The following DOCK10 variants were observed in gnomAD, a reference collection of about 807,000 sequenced individuals.
DOCK10 encodes the protein dedicator of cytokinesis 10, also known as dedicator of cytokinesis protein 10.
Under a neutral mutation model 280.1 loss-of-function variants are expected in DOCK10, and 145 were observed. The observed-to-expected ratio is 0.52, with a 90% confidence interval of 0.45 to 0.59. The LOEUF is 0.59. Among genes scored for constraint, DOCK10 ranks in the 20% least tolerant of loss-of-function variants. The pLI is 0.00. For synonymous variants in DOCK10, 915 were observed against 942.2 expected (o/e 0.97, Z 0.53); for missense variants, 2,368 against 2,651.7 (o/e 0.89, Z 2.35).
intron 50 of DOCK10, 83 bp from the exon 51 acceptor site, chr2:224,778,367 A>T: frequency 2.2e-6 from 3 of 1,375,796 alleles, no homozygotes; most frequent in Non-Finnish European, 3.0e-6. Context: ...TTTACTTAAA[A>T]AACATATACA....
intron 3 of DOCK10, among the ~76,000 whole-genome samples, chr2:224,914,023 C>T (rs1485683973): frequency 6.6e-6 from 1 of 152,208 alleles, no homozygotes; most frequent in African/African-American, 2.4e-5. Context: ...AGGCATGAGC[C>T]ACCTCACCCG....
At chr2:224,949,431 G>C (rs974223278) in intron 1 of DOCK10, among the ~76,000 whole-genome samples, 3 of 152,184 alleles carry the variant, frequency 2.0e-5, no homozygotes, top group Non-Finnish European at 4.4e-5. Context: ...CTGTATTCAA[G>C]ACATCACTGA....
intron 1 of DOCK10, among the ~76,000 whole-genome samples, chr2:225,034,244 T>C (rs1418280967): frequency 1.3e-5 from 2 of 152,208 alleles, no homozygotes; most frequent in African/African-American, 4.8e-5. Context: ...GAACAGGCTG[T>C]GGAGTCAGAC....
intron 1 of DOCK10, among the ~76,000 whole-genome samples, chr2:225,007,369 T>C (rs1234417344): frequency 6.6e-6 from 1 of 152,204 alleles, no homozygotes; most frequent in Non-Finnish European, 1.5e-5. Flanking sequence ...AAATAGTCCA[T>C]GAGGCCAACA....
At chr2:224,879,512 C>CT (rs1698845897) in intron 7 of DOCK10, among the ~76,000 whole-genome samples, 2 of 152,296 alleles carry the variant, frequency 1.3e-5, no homozygotes, top group South Asian at 4.1e-4. Context: ...AATCCCAGCG[C>CT]TTTAGGAGGC....
At chr2:224,931,494 G>T in intron 2 of DOCK10, 55 bp downstream of exon 2, 1 of 1,539,202 alleles carries the variant, frequency 6.5e-7, no homozygotes, top group South Asian at 1.2e-5. Flanking sequence ...GAAAGACAAT[G>T]ACCCAATGTG....
At chr2:224,926,182 C>T (rs756478026) in intron 2 of DOCK10, among the ~76,000 whole-genome samples, 12 of 152,168 alleles carry the variant, frequency 7.9e-5, no homozygotes, top group Non-Finnish European at 1.8e-4. Context: ...TCCCAGAACC[C>T]ACATACAAGG....
chr2:224,863,162 C>T (rs1697638438), intron 13 of DOCK10, among the ~76,000 whole-genome samples: 1 of 152,138 alleles, frequency 6.6e-6, no homozygotes, highest in African/African-American at 2.4e-5. Context: ...TTTCATGGGC[C>T]ATATAGTCTC....
chr2:224,853,763 C>T (rs1319396346), intron 16 of DOCK10, among the ~76,000 whole-genome samples: 1 of 152,150 alleles, frequency 6.6e-6, no homozygotes, highest in Non-Finnish European at 1.5e-5. Flanking sequence ...CAGTTTGAAG[C>T]CTGAAGTTGT....
chr2:224,921,864 C>A (rs1477950165), intron 2 of DOCK10, among the ~76,000 whole-genome samples: 1 of 152,076 alleles, frequency 6.6e-6, no homozygotes, highest in African/African-American at 2.4e-5. Context: ...CTTTGGGAGG[C>A]TGAGGCGGGT....
At chr2:224,885,956 A>T in intron 6 of DOCK10, 107 bp downstream of exon 6, 1 of 1,507,998 alleles carries the variant, frequency 6.6e-7, no homozygotes, top group Non-Finnish European at 8.9e-7. Context: ...ATAAAATATT[A>T]TATGAAACAT....
intron 19 of DOCK10, among the ~76,000 whole-genome samples, chr2:224,847,190 C>A (rs1351006913): frequency 6.6e-6 from 1 of 152,178 alleles, no homozygotes; most frequent in East Asian, 1.9e-4. Context: ...TTTCAACTAA[C>A]TGTTTACATT....
At chr2:225,016,643 GTGCACATAGATACATAGATACATA>G (rs1559963057) in intron 1 of DOCK10, among the ~76,000 whole-genome samples, 943 of 34,496 alleles carry the variant, frequency 0.027, 74 homozygotes, top group Middle Eastern at 0.15. Flanking sequence ...ATATATCTAT[GTGCACATAGATACATAGATACATA>G]TATCTATGTG....
chr2:224,983,885 G>T (rs1281917030), intron 1 of DOCK10: 2 of 470,860 alleles, frequency 4.2e-6, no homozygotes, highest in Non-Finnish European at 8.8e-6. Flanking sequence ...TTGTCAGACT[G>T]CCCGGGTGCT....
At chr2:224,920,986 GGCTCAT>G (rs1701671475) in intron 2 of DOCK10, among the ~76,000 whole-genome samples, 1 of 148,952 alleles carries the variant, frequency 6.7e-6, no homozygotes, top group Admixed American at 6.7e-5. Flanking sequence ...TGGGCACGGT[GGCTCAT>G]GCCTGTAATC....
At chr2:224,918,742 G>A (rs1205543745) in intron 2 of DOCK10, among the ~76,000 whole-genome samples, 1 of 151,276 alleles carries the variant, frequency 6.6e-6, no homozygotes, top group Admixed American at 6.6e-5. Flanking sequence ...GTGTGTTAGT[G>A]TGTATACATG....
intron 3 of DOCK10, among the ~76,000 whole-genome samples, chr2:224,908,879 C>T (rs1196652326): frequency 1.3e-5 from 2 of 152,188 alleles, no homozygotes; most frequent in African/African-American, 4.8e-5. Context: ...TGGATGAAGT[C>T]TCCTCACTTA....
At chr2:225,017,517 G>C (rs1400237565) in intron 1 of DOCK10, among the ~76,000 whole-genome samples, 1 of 152,006 alleles carries the variant, frequency 6.6e-6, no homozygotes, top group Non-Finnish European at 1.5e-5. Context: ...TCAGCAGTTT[G>C]ACCTGGTATG....
intron 1 of DOCK10, among the ~76,000 whole-genome samples, chr2:224,986,237 G>A (rs972065161): frequency 5.3e-5 from 8 of 152,178 alleles, no homozygotes; most frequent in African/African-American, 1.9e-4. Context: ...GATGAGCTTA[G>A]ATAAAATATT....
Sources: gnomAD v4.1 joint callset for allele counts (sites outside exome capture counted in the v4.1 genomes callset) on GRCh38, gnomAD v4.1.1 for gene constraint, MANE v1.5 for transcripts, NCBI Gene and HGNC (gene_info 2026-07-23, HGNC 2026-07-21) for gene names.